The following FAM114A1 variants were observed in gnomAD, a reference collection of about 807,000 sequenced individuals.
FAM114A1 encodes family with sequence similarity 114 member A1.
FAM114A1 carries 62 observed loss-of-function variants against 64.3 expected under a neutral mutation model. The ratio of observed to expected loss-of-function variants is 0.96; its 90% CI spans 0.79 to 1.19. FAM114A1 has a LOEUF of 1.19. Among genes scored for constraint, FAM114A1 ranks in the 50% most tolerant of loss-of-function variants. FAM114A1 has a pLI of 0.00. For synonymous variants in FAM114A1, 254 were observed against 251.1 expected, an observed-to-expected ratio of 1.01 and a Z score of -0.11; for missense variants, 645 against 676.3, an observed-to-expected ratio of 0.95 and a Z score of 0.51.
intron 8 of FAM114A1, among the ~76,000 whole-genome samples, chr4:38,917,671 G>C (rs1719202744): frequency 6.6e-6 from 1 of 152,146 alleles, no homozygotes; most frequent in South Asian, 2.1e-4. Context: ...ATATCATGGT[G>C]GTGGAGAATG....
In FAM114A1 at chr4:38,933,683, C is replaced by G. The variant is rs1720852555; in HGVS notation, c.1463+1309C>G. Among the ~76,000 whole-genome samples, 3 of 151,978 alleles carry G rather than the reference C, an allele frequency of 2.0e-5. No homozygotes were observed. The South Asian group carries it at 6.2e-4, about 32-fold the overall frequency. On this transcript the variant is annotated intron_variant, in intron 12 of 14. Coordinates refer to ENST00000358869, the MANE Select transcript of FAM114A1 (RefSeq NM_138389.4). Reference sequence around the variant, plus strand: ...AGTTGGTATGGAGCTGAAAAATAAGCCTTTAACTTTTATGCACATGACTGT... The same window carrying G: ...AGTTGGTATGGAGCTGAAAAATAAGGCTTTAACTTTTATGCACATGACTGT...
intron 2 of FAM114A1, among the ~76,000 whole-genome samples, chr4:38,876,854 T>C (rs1369263713): frequency 6.6e-6 from 1 of 152,210 alleles, no homozygotes; most frequent in Non-Finnish European, 1.5e-5. Flanking sequence ...TTGGGCCCCT[T>C]CCTTTATCTT....
chr4:38,908,609 T>C lies in FAM114A1; in HGVS notation c.675T>C (p.Thr225=), dbSNP rs550559368. The C allele has an allele frequency of 6.2e-7, 1 of 1,612,710 alleles. No individual in the cohort carries two copies. The highest frequency in any genetic ancestry group is 1.1e-5 in the South Asian group (1 of 90,918). ...VVQNTGKSVL[T]GGLDALEFIG... is the part of the protein sequence containing the mutation. ...ATCTGCAGGGTAAAAGTGTCTTAAC[T>C]GGAGGCCTTGATGCGTTGGAATTCA... The change falls in exon 7 of 15, where the codon ACT becomes ACC. Residue 225 remains threonine (T), a synonymous_variant. Coordinates refer to ENST00000358869, the MANE Select transcript of FAM114A1 (RefSeq NM_138389.4).
chr4:38,926,444 C>G (rs1339293068), intron 9 of FAM114A1, among the ~76,000 whole-genome samples: 3 of 151,772 alleles, frequency 2.0e-5, no homozygotes, highest in Non-Finnish European at 4.4e-5. Context: ...AGCTCTGTCT[C>G]TCTCTCTCTC....
At chr4:38,880,585 T>C (rs1324452201) in intron 3 of FAM114A1, among the ~76,000 whole-genome samples, 1 of 152,160 alleles carries the variant, frequency 6.6e-6, no homozygotes, top group East Asian at 1.9e-4. Context: ...CACTAGATTA[T>C]GTCAAGAATC....
chr4:38,906,342 T>C (rs1428219006), intron 6 of FAM114A1, among the ~76,000 whole-genome samples: 1 of 152,064 alleles, frequency 6.6e-6, no homozygotes, highest in Non-Finnish European at 1.5e-5. Flanking sequence ...CCCCCATCCC[T>C]ACCTCTTCAT....
intron 8 of FAM114A1, among the ~76,000 whole-genome samples, chr4:38,922,557 A>C (rs1403211667): frequency 6.6e-6 from 1 of 152,194 alleles, no homozygotes; most frequent in East Asian, 1.9e-4. Flanking sequence ...TCCACAAAGA[A>C]TCTCCCTTTA....
intron 14 of FAM114A1, among the ~76,000 whole-genome samples, chr4:38,942,559 A>G (rs1359027163): frequency 6.6e-6 from 1 of 152,224 alleles, no homozygotes; most frequent in Non-Finnish European, 1.5e-5. Context: ...TTTCCCCAAT[A>G]GATGTTTTCA....
intron 2 of FAM114A1, among the ~76,000 whole-genome samples, chr4:38,877,044 C>T (rs544540945): frequency 6.6e-6 from 1 of 152,136 alleles, no homozygotes; most frequent in Admixed American, 6.5e-5. Context: ...TGCAAGGTCC[C>T]TTTTGTTATG....
At chr4:38,929,437 A>G (rs543496417) in intron 10 of FAM114A1, 104 bp downstream of exon 10, 1 of 840,324 alleles carries the variant, frequency 1.2e-6, no homozygotes, top group Non-Finnish European at 1.9e-6. Flanking sequence ...AAACCCCCAA[A>G]TCTTATGTGG....
intron 8 of FAM114A1, among the ~76,000 whole-genome samples, chr4:38,921,840 G>A (rs1271718512): frequency 1.3e-5 from 2 of 152,226 alleles, no homozygotes; most frequent in African/African-American, 4.8e-5. Context: ...GTGCATTTTT[G>A]TAAACCCAGT....
At chr4:38,933,492 G>A (rs1355845401) in intron 12 of FAM114A1, among the ~76,000 whole-genome samples, 2 of 152,078 alleles carry the variant, frequency 1.3e-5, no homozygotes, top group African/African-American at 4.8e-5. Flanking sequence ...AGTTCACTGT[G>A]GGTTGTATGT....
Position 38,932,342 on chromosome 4 carries a change from A to G in FAM114A1, c.1431A>G (p.Lys477=). Residue 477 remains lysine (K), a synonymous_variant, in exon 12 of 15, where the codon AAA becomes AAG. Coordinates refer to ENST00000358869, the MANE Select transcript of FAM114A1 (RefSeq NM_138389.4). ...TTCTTCATGGACAAGAAGAGGAAAA[A>G]CCAGCTCAGGACCAAGCAAAAGTTC... is the stretch of plus-strand genomic sequence containing the variant. ...ELILHGQEEE[K]PAQDQAKVLI... is the part of the protein sequence containing the mutation. 2 of 1,612,372 alleles carry G rather than the reference A, an allele frequency of 1.2e-6. No individual in the cohort carries two copies. The highest frequency in any genetic ancestry group is 8.5e-7 in the Non-Finnish European group (1 of 1,179,610).
At chr4:38,921,964 A>T (rs1340588664) in intron 8 of FAM114A1, among the ~76,000 whole-genome samples, 2 of 152,146 alleles carry the variant, frequency 1.3e-5, no homozygotes, top group Non-Finnish European at 2.9e-5. Flanking sequence ...ATTTTTTGAG[A>T]TGGAGTCTCG....
intron 7 of FAM114A1, among the ~76,000 whole-genome samples, chr4:38,910,608 T>C (rs1273617408): frequency 1.3e-5 from 2 of 151,998 alleles, no homozygotes; most frequent in African/African-American, 2.4e-5. Context: ...AATGTGGGTG[T>C]GAGGGGCAGG....
intron 3 of FAM114A1, among the ~76,000 whole-genome samples, chr4:38,881,079 G>T (rs2109559174): frequency 6.6e-6 from 1 of 152,122 alleles, no homozygotes; most frequent in African/African-American, 2.4e-5. Context: ...CAGCTGCTTG[G>T]GAGGCTGAGG....
intron 9 of FAM114A1, among the ~76,000 whole-genome samples, chr4:38,923,178 T>G (rs1255367382): frequency 6.6e-6 from 1 of 151,618 alleles, no homozygotes; most frequent in African/African-American, 2.4e-5. Flanking sequence ...AAACAAAGAC[T>G]GCAATGTGCT....
intron 3 of FAM114A1, among the ~76,000 whole-genome samples, chr4:38,884,235 C>T (rs1715578006): frequency 6.6e-6 from 1 of 152,218 alleles, no homozygotes; most frequent in Non-Finnish European, 1.5e-5. Context: ...GCTCTTCTCT[C>T]ACCTCAGCCT....
intron 2 of FAM114A1, among the ~76,000 whole-genome samples, chr4:38,869,678 G>C (rs1276501479): frequency 1.3e-5 from 2 of 151,848 alleles, no homozygotes; most frequent in African/African-American, 2.4e-5. Context: ...CTCTCATCCA[G>C]AGTTTTTATT....
Sources: allele counts gnomAD v4.1 joint callset (sites outside exome capture counted in the v4.1 genomes callset), GRCh38; gene constraint gnomAD v4.1.1; transcripts MANE v1.5; gene names NCBI Gene and HGNC (gene_info 2026-07-23, HGNC 2026-07-21).